The following CCNY variants were observed in gnomAD, a reference collection of about 807,000 sequenced individuals.
CCNY encodes the protein cyclin Y, also known as cyclin-Y.
In CCNY, 19 loss-of-function variants were observed where a neutral mutation model predicts 42.8. That is an observed-to-expected ratio of 0.44 (90% CI 0.31 to 0.65). The LOEUF (loss-of-function observed/expected upper bound fraction) is 0.65, where lower values mean the gene tolerates loss of function less well. Ranked by LOEUF, CCNY falls within the 30% of genes least tolerant of loss-of-function variation. The pLI is 0.07. For missense variants in CCNY, 370 were observed against 437.3 expected, an observed-to-expected ratio of 0.85 and a Z score of 1.37; for synonymous variants, 165 against 162.7, an observed-to-expected ratio of 1.01 and a Z score of -0.11.
At position 35,560,996 on chromosome 10, in the gene CCNY, C is replaced by T. The variant is rs12243616; in HGVS notation, c.747-5027C>T. Among the ~76,000 whole-genome samples the T allele has an allele frequency of 2.1e-3, 317 of 152,234 alleles. 2 individuals are homozygous for T. Among genetic ancestry groups the T allele is most frequent in the African/African-American group, 7.3e-3 (302 of 41,544 alleles). On this transcript the variant is annotated intron_variant, in intron 8 of 9. Transcript: ENST00000374704. ...GCAGAGGCACTGCCGGTGAGTTTTC[C>T]CAGCATAACTTCAGGAATAGAGCTG...
At chr10:35,462,775 A>T (rs1373720152) in intron 1 of CCNY, among the ~76,000 whole-genome samples, 2 of 152,168 alleles carry the variant, frequency 1.3e-5, no homozygotes, top group Non-Finnish European at 2.9e-5. Context: ...AGCCTGCACA[A>T]GTTGTGTCCC....
At chr10:35,467,536 G>A (rs183646704) in intron 1 of CCNY, among the ~76,000 whole-genome samples, 7 of 152,320 alleles carry the variant, frequency 4.6e-5, no homozygotes, top group African/African-American at 1.7e-4. Context: ...ATGTCAGTTT[G>A]TGTCTAGCAC....
At chr10:35,358,862 T>C (rs1054606539) in intron 1 of CCNY, among the ~76,000 whole-genome samples, 9 of 152,292 alleles carry the variant, frequency 5.9e-5, no homozygotes, top group African/African-American at 2.2e-4. Context: ...TGGACCCTTA[T>C]TTGAGGCCAG....
Position 35,382,801 on chromosome 10 carries a change from G to C in CCNY, c.154+45594G>C, listed in dbSNP as rs577046439. Among the ~76,000 whole-genome samples, 7 of 152,274 alleles carry C rather than the reference G, an allele frequency of 4.6e-5. No homozygotes were observed. The South Asian group carries it at 1.5e-3, about 32-fold the overall frequency. ...CTCATAAGGTTGTTGTGAAAACTAT[G>C]GGAGACAGTACATTTAAGAGCTCAG... On this transcript the variant is annotated intron_variant, in intron 1 of 9. Coordinates refer to ENST00000374704, the MANE Select transcript of CCNY (RefSeq NM_145012.6).
intron 1 of CCNY, among the ~76,000 whole-genome samples, chr10:35,380,319 A>C (rs1187154288): frequency 6.6e-6 from 1 of 152,206 alleles, no homozygotes; most frequent in Non-Finnish European, 1.5e-5. Flanking sequence ...ACTGGTGGTC[A>C]CAGCTTATTT....
intron 4 of CCNY, among the ~76,000 whole-genome samples, chr10:35,521,206 C>T (rs1840538895): frequency 6.6e-6 from 1 of 152,240 alleles, no homozygotes; most frequent in African/African-American, 2.4e-5. Context: ...GCTGAGCAAA[C>T]CCTATAGTCC....
In CCNY at chr10:35,501,187, A is replaced by G. The variant is rs539071257; in HGVS notation, c.230-314A>G. On this transcript the variant is annotated intron_variant, in intron 2 of 9. Transcript: ENST00000374704. ...TTAATTATGTTAAACTAATAGATGCATATGAGTTTTATGAGGGTTACTAAT... is the reference window on the plus strand; with the variant it reads ...TTAATTATGTTAAACTAATAGATGCGTATGAGTTTTATGAGGGTTACTAAT... Among the ~76,000 whole-genome samples the G allele has an allele frequency of 8.5e-5, 13 of 152,348 alleles. No individual in the cohort carries two copies. The East Asian group carries it at 2.1e-3, about 25-fold the overall frequency.
intron 3 of CCNY, among the ~76,000 whole-genome samples, chr10:35,275,718 G>C (rs952006469): frequency 1.1e-4 from 16 of 151,272 alleles, no homozygotes; most frequent in African/African-American, 3.9e-4. Flanking sequence ...AGCTGAGATC[G>C]CACCACTGCA....
intron 1 of CCNY, among the ~76,000 whole-genome samples, chr10:35,478,774 C>G (rs1004888040): frequency 1.3e-5 from 2 of 152,062 alleles, no homozygotes; most frequent in Admixed American, 6.6e-5. Flanking sequence ...GCAACAAAAG[C>G]CAAAATTGAC....
intron 3 of CCNY, among the ~76,000 whole-genome samples, chr10:35,296,151 G>T (rs1342134727): frequency 6.6e-6 from 1 of 152,132 alleles, no homozygotes; most frequent in Non-Finnish European, 1.5e-5. Flanking sequence ...CCCAAATCTA[G>T]CAGAAGACCA....
In CCNY at chr10:35,516,641, TTTCC is replaced by T. The variant is rs756091949; in HGVS notation, c.365+37_365+40del. 100 of 1,320,410 alleles carry T rather than the reference TTTCC, an allele frequency of 7.6e-5. No homozygotes were observed. Among genetic ancestry groups the T allele is most frequent in the African/African-American group, 7.5e-4 (44 of 58,508 alleles). The allele number at this position is 1,320,410 out of a possible 1,614,324, so 81.8% of individuals were successfully genotyped here. A position where few individuals can be genotyped will look rare whatever the true frequency, so the allele number is the denominator to read the frequency against. On this transcript the variant is annotated intron_variant, in intron 4 of 9. Coordinates refer to ENST00000374704, the MANE Select transcript of CCNY (RefSeq NM_145012.6). The stretch of plus-strand genomic sequence containing the variant: ...ATTAAATGGTGGGTATATGGATTTA[TTTCC>T]TTCCTTCCTTCCTTCCTTTTTTTTT...
chr10:35,252,289 G>C (rs1181799375), intron 3 of CCNY, among the ~76,000 whole-genome samples: 1 of 152,110 alleles, frequency 6.6e-6, no homozygotes, highest in Non-Finnish European at 1.5e-5. Flanking sequence ...ATCCTGGCCG[G>C]GCGCGGTGGC....
In CCNY at chr10:35,530,779, T is replaced by A. The variant is rs1840748313; in HGVS notation, c.579+536T>A. Reference sequence around the variant, plus strand: ...TTTAAGACTCAAGAAAAAATAAAAATTTGTTTTTACAGCTGGGCTCCATGG... The same window carrying A: ...TTTAAGACTCAAGAAAAAATAAAAAATTGTTTTTACAGCTGGGCTCCATGG... On this transcript the variant is annotated intron_variant, in intron 7 of 9. Coordinates refer to ENST00000374704, the MANE Select transcript of CCNY (RefSeq NM_145012.6). This position sits in a 1 kb window ranked among gnomAD's most constrained non-coding sequence, Gnocchi z 4.3. Among the ~76,000 whole-genome samples, 1 of 152,112 alleles carries A rather than the reference T, an allele frequency of 6.6e-6. No homozygotes were observed. The highest frequency in any genetic ancestry group is 1.5e-5 in the Non-Finnish European group (1 of 68,018).
At chr10:35,439,550 A>AGTGT (rs140918740) in intron 1 of CCNY, among the ~76,000 whole-genome samples, 22 of 142,866 alleles carry the variant, frequency 1.5e-4, no homozygotes, top group East Asian at 6.1e-4. Context: ...TTTTGTTTCA[A>AGTGT]GTGTGTGTGT....
chr10:35,419,077 T>G (rs1033662831), intron 1 of CCNY, among the ~76,000 whole-genome samples: 1 of 152,058 alleles, frequency 6.6e-6, no homozygotes, highest in African/African-American at 2.4e-5. Flanking sequence ...CCTCCCAAAG[T>G]GCTGAGATTA....
chr10:35,521,942 G>C (rs1275333544), intron 4 of CCNY, among the ~76,000 whole-genome samples: 1 of 151,992 alleles, frequency 6.6e-6, no homozygotes, highest in Non-Finnish European at 1.5e-5. Flanking sequence ...CCTGAAAAGA[G>C]ACCAGAAAAA....
chr10:35,313,493 T>C (rs1392777600), intron 3 of CCNY, among the ~76,000 whole-genome samples: 1 of 152,164 alleles, frequency 6.6e-6, no homozygotes, highest in African/African-American at 2.4e-5. Context: ...ACAAGCACTT[T>C]TTCACTGTCA....
intron 4 of CCNY, among the ~76,000 whole-genome samples, chr10:35,525,191 A>G (rs1307369133): frequency 6.6e-6 from 1 of 152,220 alleles, no homozygotes; most frequent in Non-Finnish European, 1.5e-5. Context: ...ACATGAAAAA[A>G]GTTAAAAGTA....
intron 1 of CCNY, among the ~76,000 whole-genome samples, chr10:35,384,612 G>A (rs1162509082): frequency 2.6e-5 from 4 of 152,184 alleles, no homozygotes; most frequent in Non-Finnish European, 4.4e-5. Context: ...CTTTCGAGTG[G>A]CCCTGCAGTG....
Sources: allele counts gnomAD v4.1 joint callset (sites outside exome capture counted in the v4.1 genomes callset), GRCh38; gene constraint gnomAD v4.1.1; non-coding constraint Gnocchi (gnomAD v3.1); transcripts MANE v1.5; gene names NCBI Gene and HGNC (gene_info 2026-07-23, HGNC 2026-07-21).